Variants in ADGRL2 observed in about 807,000 individuals in gnomAD.
ADGRL2 encodes adhesion G protein-coupled receptor L2.
A neutral mutation model predicts 157.4 loss-of-function variants in ADGRL2; 44 were observed. That is an observed-to-expected ratio of 0.28 (90% confidence interval 0.22 to 0.36). The LOEUF (loss-of-function observed/expected upper bound fraction) is 0.36, where lower values mean the gene tolerates loss of function less well. Among genes scored for constraint, ADGRL2 ranks in the 10% least tolerant of loss-of-function variants. The pLI, the probability that ADGRL2 is intolerant of heterozygous loss-of-function variation, is 1.00. For synonymous variants in ADGRL2, 585 were observed against 624.7 expected, an observed-to-expected ratio of 0.94 and a Z score of 0.95; for missense variants, 1,510 against 1,768.9, an observed-to-expected ratio of 0.85 and a Z score of 2.63.
At chr1:81,703,503 C>T (rs1004106401) in intron 1 of ADGRL2, among the ~76,000 whole-genome samples, 8 of 151,782 alleles carry the variant, frequency 5.3e-5, no homozygotes, top group Non-Finnish European at 7.4e-5. Context: ...GAGGTGGAGG[C>T]GAGGAAAGTT....
intron 10 of ADGRL2, 37 bp from the exon 11 acceptor site, chr1:81,955,840 G>T: frequency 1.4e-6 from 2 of 1,397,220 alleles, no homozygotes; most frequent in Non-Finnish European, 1.9e-6. Context: ...GGTTCTAAAA[G>T]CGGTCAAAAC....
intron 1 of ADGRL2, among the ~76,000 whole-genome samples, chr1:81,720,850 A>G (rs1470063324): frequency 6.6e-6 from 1 of 150,804 alleles, no homozygotes; most frequent in Non-Finnish European, 1.5e-5. Context: ...TGAATTGGGG[A>G]AAAATCCTCA....
intron 3 of ADGRL2, 88 bp downstream of exon 3, chr1:81,907,318 G>GA: frequency 9.4e-7 from 1 of 1,068,238 alleles, no homozygotes; most frequent in Non-Finnish European, 1.4e-6. Flanking sequence ...AATGGATATA[G>GA]ACCACATCCC....
At chr1:81,503,103 G>C (rs1454165660) in intron 2 of ADGRL2, 2 of 1,611,738 alleles carry the variant, frequency 1.2e-6, no homozygotes, top group Non-Finnish European at 1.7e-6. Flanking sequence ...AGAAGGCGTC[G>C]AGGCTGTCTG....
At chr1:81,395,716 T>C (rs2076643461) in intron 1 of ADGRL2, among the ~76,000 whole-genome samples, 1 of 152,232 alleles carries the variant, frequency 6.6e-6, no homozygotes, top group African/African-American at 2.4e-5. Context: ...AGTCAGCTTT[T>C]GTATACAGTG....
intron 1 of ADGRL2, among the ~76,000 whole-genome samples, chr1:81,372,274 AG>A (rs2076173377): frequency 1.3e-5 from 2 of 152,250 alleles, no homozygotes; most frequent in Admixed American, 6.5e-5. Context: ...AGTGAACAAA[AG>A]TCTTCATAAA....
Position 81,479,732 on chromosome 1 carries a change from C to A in ADGRL2, c.-248+34643C>A, listed in dbSNP as rs1203718653. ...TCTCTTTCTGGAACTAACAAATAAC[C>A]CCAGTGGAGGAAACATTTCCCATGT... On this transcript the variant is annotated intron_variant, in intron 2 of 24. Coordinates refer to the ADGRL2 transcript ENST00000370721. Among the ~76,000 whole-genome samples, 5 of 152,016 alleles carry A rather than the reference C, an allele frequency of 3.3e-5. No homozygotes were observed. In the East Asian group the frequency reaches 9.6e-4, roughly 29 times the overall value.
chr1:81,335,873 AG>A (rs1661606670), intron 1 of ADGRL2, among the ~76,000 whole-genome samples: 1 of 152,128 alleles, frequency 6.6e-6, no homozygotes, highest in Non-Finnish European at 1.5e-5. Context: ...CAAACAAAAA[AG>A]CACTATCTTT....
At chr1:81,959,990 G>A (rs1311306000) in intron 11 of ADGRL2, among the ~76,000 whole-genome samples, 1 of 151,924 alleles carries the variant, frequency 6.6e-6, no homozygotes, top group Non-Finnish European at 1.5e-5. Context: ...AGTTAAGACG[G>A]GATTTCACCA....
chr1:81,663,920 G>A (rs1263646808), intron 3 of ADGRL2, among the ~76,000 whole-genome samples: 1 of 152,044 alleles, frequency 6.6e-6, no homozygotes, highest in Non-Finnish European at 1.5e-5. Flanking sequence ...TGTTTAGTAT[G>A]GTTTATATTT....
intron 1 of ADGRL2, among the ~76,000 whole-genome samples, chr1:81,355,075 A>G (rs183653326): frequency 6.6e-6 from 1 of 152,316 alleles, no homozygotes; most frequent in East Asian, 1.9e-4. Flanking sequence ...GGCTTTTTCT[A>G]TGTTTTAATA....
intron 2 of ADGRL2, among the ~76,000 whole-genome samples, chr1:81,550,148 G>C (rs537126652): frequency 3.7e-4 from 56 of 152,288 alleles, no homozygotes; most frequent in Admixed American, 2.5e-3. Flanking sequence ...GGATAGCACA[G>C]ATGGAAGATG....
intron 2 of ADGRL2, among the ~76,000 whole-genome samples, chr1:81,480,346 C>G (rs966858974): frequency 2.6e-5 from 4 of 152,084 alleles, no homozygotes; most frequent in African/African-American, 9.7e-5. Context: ...ATAATAGTTA[C>G]CTTCATTTCT....
In ADGRL2 at chr1:81,991,097, A is replaced by C. The variant is rs755109609; in HGVS notation, c.4362A>C (p.Pro1454=). ...IIPINKEGCI[P]EGDVREGQMQ... ...CCATTAACAAAGAAGGGTGTATTCC[A>C]GAAGGAGATGTTAGAGAAGGACAAA... is the stretch of plus-strand genomic sequence containing the variant. The change falls in exon 24 of 24, where the codon CCA becomes CCC. Residue 1454 remains proline, a synonymous_variant. Coordinates refer to ENST00000686636, the MANE Select transcript of ADGRL2 (RefSeq NM_001366006.2). 5 of 1,611,542 alleles carry C rather than the reference A, an allele frequency of 3.1e-6. No homozygotes were observed. In the East Asian group the frequency reaches 1.1e-4, roughly 36 times the overall value.
chr1:81,389,084 G>T (rs72713459), intron 1 of ADGRL2, among the ~76,000 whole-genome samples: 7,081 of 152,198 alleles, frequency 0.047, 196 homozygotes, highest in Non-Finnish European at 0.062. Flanking sequence ...CCTTTTCATT[G>T]ATTTTGTCCT....
chr1:81,832,843 G>C (rs1473696212), intron 1 of ADGRL2, among the ~76,000 whole-genome samples: 1 of 152,162 alleles, frequency 6.6e-6, no homozygotes, highest in Non-Finnish European at 1.5e-5. Flanking sequence ...CTGACTTACT[G>C]AAGGAAAACT....
chr1:81,885,009 G>A (rs2094091564), intron 2 of ADGRL2, among the ~76,000 whole-genome samples: 1 of 152,066 alleles, frequency 6.6e-6, no homozygotes, highest in Admixed American at 6.6e-5. Flanking sequence ...GATTAGTTAA[G>A]GAAGTAAAAA....
At chr1:81,631,776 A>C (rs2082014810) in intron 3 of ADGRL2, among the ~76,000 whole-genome samples, 1 of 152,194 alleles carries the variant, frequency 6.6e-6, no homozygotes, top group Admixed American at 6.5e-5. Context: ...AAAAGTCTAC[A>C]TAACATGATT....
chr1:81,788,949 C>CTCG (rs2087193810), intron 2 of ADGRL2, among the ~76,000 whole-genome samples: 1 of 152,170 alleles, frequency 6.6e-6, no homozygotes, highest in African/African-American at 2.4e-5. Flanking sequence ...ATCTCCTGAC[C>CTCG]TCGTGATCCA....
Sources: allele counts gnomAD v4.1 joint callset (sites outside exome capture counted in the v4.1 genomes callset), GRCh38; gene constraint gnomAD v4.1.1; transcripts MANE v1.5; gene names NCBI Gene and HGNC (gene_info 2026-07-23, HGNC 2026-07-21).